The following DPRX variants were observed in gnomAD, a reference collection of about 807,000 sequenced individuals.
DPRX encodes divergent-paired related homeobox, also known as divergent paired-related homeobox.
Under a neutral mutation model 8.4 loss-of-function variants are expected in DPRX, and 11 were observed. The observed-to-expected ratio is 1.31, with a 90% CI of 0.82 to 2.17. The LOEUF is 2.17. Among genes scored for constraint, DPRX ranks in the 30% most tolerant of loss-of-function variants. The probability of loss-of-function intolerance (pLI) is 0.00; values close to 1 mark genes in which losing one functional copy is unlikely to be tolerated. For missense variants in DPRX, 211 were observed against 236.7 expected (o/e 0.89, Z 0.71); for synonymous variants, 72 against 87.0 (o/e 0.83, Z 0.96).
the DPRX span, among the ~76,000 whole-genome samples, chr19:53,614,580 T>C: frequency 6.6e-6 from 1 of 152,006 alleles, no homozygotes; most frequent in South Asian, 2.1e-4. Context: ...GAAACAGAAG[T>C]CGTTAATTTT....
At chr19:53,623,539 G>A in the DPRX span, among the ~76,000 whole-genome samples, 5 of 152,212 alleles carry the variant, frequency 3.3e-5, no homozygotes, top group Admixed American at 2.6e-4. Context: ...TTGGGAGGCT[G>A]AGGAAGGAGA....
the DPRX span, among the ~76,000 whole-genome samples, chr19:53,609,350 C>T: frequency 1.3e-5 from 2 of 151,156 alleles, no homozygotes; most frequent in South Asian, 2.1e-4. Flanking sequence ...CGCCTATAAT[C>T]GGAGCTACCC....
chr19:53,613,827 C>A, the DPRX span, among the ~76,000 whole-genome samples: 8 of 152,186 alleles, frequency 5.3e-5, no homozygotes, highest in South Asian at 2.1e-4. Flanking sequence ...TTCTCAAGGA[C>A]CACTTCTCCA....
chr19:53,621,529 C>T, the DPRX span, among the ~76,000 whole-genome samples: 13 of 152,122 alleles, frequency 8.5e-5, no homozygotes, highest in Admixed American at 7.9e-4. Context: ...GGCATGGTGG[C>T]TCACGTCTAT....
At chr19:53,635,651 G>C (rs2122166939) in intron 2 of DPRX, among the ~76,000 whole-genome samples, 1 of 152,262 alleles carries the variant, frequency 6.6e-6, no homozygotes, top group East Asian at 1.9e-4. Flanking sequence ...AGAGTCCTGG[G>C]ATTATAGGCA....
At chr19:53,630,701 A>G (rs992230456), upstream of DPRX, among the ~76,000 whole-genome samples, 6 of 151,966 alleles carry the variant, frequency 3.9e-5, no homozygotes, top group African/African-American at 1.2e-4. Context: ...CCACTGTCAC[A>G]AGTAGAGATG....
At chr19:53,629,879 G>A (rs994574180), upstream of DPRX, 12 of 151,604 alleles carry the variant, frequency 7.9e-5, no homozygotes, top group African/African-American at 2.2e-4. Flanking sequence ...TAAGAAGTGG[G>A]GAAATGGTCT....
At chr19:53,610,319 CGAAAAAA>C in the DPRX span, among the ~76,000 whole-genome samples, 25,438 of 118,016 alleles carry the variant, frequency 0.22, 2,246 homozygotes, top group East Asian at 0.33. Flanking sequence ...GACTCTGTCT[CGAAAAAA>C]GAAAAAAGAA....
At chr19:53,614,950 T>C in the DPRX span, among the ~76,000 whole-genome samples, 1 of 151,978 alleles carries the variant, frequency 6.6e-6, no homozygotes, top group South Asian at 2.1e-4. Context: ...AAAGACCCTG[T>C]CTCTCTATTT....
chr19:53,636,771 T>A, exon 3 of DPRX: 1 of 1,614,168 alleles, frequency 6.2e-7, no homozygotes, highest in Non-Finnish European at 8.5e-7. Context: ...ATCGGCCTGG[T>A]GTACACGGGT....
chr19:53,605,948 C>T, the DPRX span, among the ~76,000 whole-genome samples: 1 of 152,226 alleles, frequency 6.6e-6, no homozygotes, highest in East Asian at 1.9e-4. Context: ...GGGTTATAGG[C>T]GTGAGCCACT....
the DPRX span, chr19:53,616,793 C>G: frequency 6.3e-7 from 1 of 1,579,790 alleles, no homozygotes; most frequent in African/African-American, 1.4e-5. Flanking sequence ...ATGGCCCTTG[C>G]TGCCACCAAC....
At chr19:53,606,960 C>G in the DPRX span, 1 of 152,876 alleles carries the variant, frequency 6.5e-6, no homozygotes, top group Non-Finnish European at 1.5e-5. This position sits in a 1 kb window ranked among gnomAD's most constrained non-coding sequence, Gnocchi z 4.8. Flanking sequence ...GCAATGCCAT[C>G]AAAACCCACA....
At chr19:53,636,867 T>G (rs2091114965) in exon 3 of DPRX, 1 of 1,614,210 alleles carries the variant, frequency 6.2e-7, no homozygotes, top group Non-Finnish European at 8.5e-7. Flanking sequence ...ATAGTCCATT[T>G]TGGCTGCTGC....
At chr19:53,628,590 T>A (rs2091079560), upstream of DPRX, among the ~76,000 whole-genome samples, 1 of 151,950 alleles carries the variant, frequency 6.6e-6, no homozygotes, top group Non-Finnish European at 1.5e-5. Flanking sequence ...AAACTTTTTC[T>A]TTCTGTTTTT....
chr19:53,614,769 CT>C, the DPRX span, among the ~76,000 whole-genome samples: 1 of 151,784 alleles, frequency 6.6e-6, no homozygotes, highest in Non-Finnish European at 1.5e-5. Flanking sequence ...GTTTTATTTT[CT>C]GATTTTAGGT....
At chr19:53,618,099 T>C in the DPRX span, among the ~76,000 whole-genome samples, 1 of 144,088 alleles carries the variant, frequency 6.9e-6, no homozygotes, top group Middle Eastern at 3.5e-3. Flanking sequence ...CCTAGATCGC[T>C]GCCACTGCAC....
chr19:53,602,518 C>A, the DPRX span, among the ~76,000 whole-genome samples: 1 of 150,938 alleles, frequency 6.6e-6, no homozygotes, highest in Admixed American at 6.7e-5. Flanking sequence ...TGCCACCACA[C>A]CCAGCTAATT....
At chr19:53,601,304 T>A in the DPRX span, 2 of 456,538 alleles carry the variant, frequency 4.4e-6, no homozygotes, top group Non-Finnish European at 8.8e-6. Flanking sequence ...CAGGTCTCAG[T>A]GGTCATCTGC....
Sources: allele counts gnomAD v4.1 joint callset (sites outside exome capture counted in the v4.1 genomes callset), GRCh38; gene constraint gnomAD v4.1.1; non-coding constraint Gnocchi (gnomAD v3.1); transcripts MANE v1.5; gene names NCBI Gene and HGNC (gene_info 2026-07-23, HGNC 2026-07-21).